The following KLHL32 variants were observed in gnomAD, a reference collection of about 807,000 sequenced individuals.
KLHL32 encodes kelch like family member 32, also known as kelch-like protein 32.
In KLHL32, 35 loss-of-function variants were observed where a neutral mutation model predicts 64.8. The observed-to-expected ratio is 0.54, with a 90% CI of 0.41 to 0.72. The LOEUF is 0.72. Among genes scored for constraint, KLHL32 ranks in the 30% least tolerant of loss-of-function variants. The probability of loss-of-function intolerance (pLI) is 0.00; values close to 1 mark genes in which losing one functional copy is unlikely to be tolerated. For missense variants in KLHL32, 589 were observed against 768.5 expected (o/e 0.77, Z 2.76); for synonymous variants, 259 against 281.0 (o/e 0.92, Z 0.78).
chr6:97,097,623 C>T (rs1487910466), intron 6 of KLHL32, among the ~76,000 whole-genome samples: 1 of 129,898 alleles, frequency 7.7e-6, no homozygotes, highest in African/African-American at 2.8e-5. Context: ...TTCACAGCAG[C>T]TTTCTCTGCC....
At chr6:97,013,849 C>T (rs982581921) in intron 3 of KLHL32, among the ~76,000 whole-genome samples, 10 of 152,248 alleles carry the variant, frequency 6.6e-5, no homozygotes, top group African/African-American at 1.9e-4. Flanking sequence ...TGGGTTATTT[C>T]CCCTGTTGCC....
intron 6 of KLHL32, among the ~76,000 whole-genome samples, chr6:97,088,209 T>G (rs567797059): frequency 1.3e-5 from 2 of 152,346 alleles, no homozygotes; most frequent in East Asian, 3.9e-4. Flanking sequence ...TATATTGTTT[T>G]TTTAAAATTT....
At chr6:97,053,542 A>T (rs916072662) in intron 4 of KLHL32, among the ~76,000 whole-genome samples, 1 of 152,082 alleles carries the variant, frequency 6.6e-6, no homozygotes, top group Non-Finnish European at 1.5e-5. Context: ...GACTAAAAGT[A>T]AAAAAATATT....
intron 3 of KLHL32, among the ~76,000 whole-genome samples, chr6:96,984,175 T>G (rs1776710985): frequency 6.6e-6 from 1 of 152,340 alleles, no homozygotes; most frequent in East Asian, 1.9e-4. Context: ...TCAGTTTCCA[T>G]GTAGTTGAGC....
intron 4 of KLHL32, among the ~76,000 whole-genome samples, chr6:97,042,736 T>C (rs973242580): frequency 6.6e-6 from 1 of 152,198 alleles, no homozygotes; most frequent in Non-Finnish European, 1.5e-5. Flanking sequence ...CTACAGCTTA[T>C]TCCTGCTGTC....
At chr6:96,920,646 G>T (rs1300695721), upstream of KLHL32, among the ~76,000 whole-genome samples, 1 of 151,790 alleles carries the variant, frequency 6.6e-6, no homozygotes, top group Non-Finnish European at 1.5e-5. Context: ...TATACCTATT[G>T]ATCTTCCACT....
intron 6 of KLHL32, among the ~76,000 whole-genome samples, chr6:97,096,756 A>G (rs1310553440): frequency 6.6e-6 from 1 of 152,218 alleles, no homozygotes; most frequent in Non-Finnish European, 1.5e-5. Context: ...AGCTCTTTTG[A>G]GCTCTTAATG....
chr6:97,003,512 A>C (rs1779299524), intron 3 of KLHL32, among the ~76,000 whole-genome samples: 1 of 151,884 alleles, frequency 6.6e-6, no homozygotes. Flanking sequence ...GTCATTTATA[A>C]ATTTTTGGTT....
At chr6:97,046,907 G>A (rs550509436) in intron 4 of KLHL32, among the ~76,000 whole-genome samples, 1 of 152,188 alleles carries the variant, frequency 6.6e-6, no homozygotes, top group Non-Finnish European at 1.5e-5. Flanking sequence ...TTAACATCGA[G>A]TGTATCTGCC....
intron 5 of KLHL32, among the ~76,000 whole-genome samples, chr6:97,072,383 A>C (rs1790886011): frequency 1.3e-5 from 2 of 152,186 alleles, no homozygotes; most frequent in African/African-American, 4.8e-5. Flanking sequence ...AAGTTTTCTT[A>C]ATCCATGAAA....
intron 7 of KLHL32, among the ~76,000 whole-genome samples, chr6:97,126,693 TA>T (rs1339235637): frequency 6.6e-6 from 1 of 152,152 alleles, no homozygotes; most frequent in East Asian, 1.9e-4. Flanking sequence ...TTGTGTCAAA[TA>T]TACACTGGCT....
At chr6:97,056,998 C>T (rs1442521772) in intron 4 of KLHL32, among the ~76,000 whole-genome samples, 1 of 152,076 alleles carries the variant, frequency 6.6e-6, no homozygotes, top group Non-Finnish European at 1.5e-5. Flanking sequence ...TCTATTTATA[C>T]TTAAATTTGA....
the KLHL32 span, among the ~76,000 whole-genome samples, chr6:96,915,513 CCCT>C: frequency 6.6e-6 from 1 of 152,096 alleles, no homozygotes; most frequent in Admixed American, 6.6e-5. Context: ...CTTTGTGATT[CCCT>C]CCTCAACTTA....
intron 1 of KLHL32, among the ~76,000 whole-genome samples, chr6:96,946,740 T>C (rs553497901): frequency 6.6e-5 from 10 of 152,190 alleles, no homozygotes; most frequent in African/African-American, 2.4e-4. Flanking sequence ...AGACCTAAGG[T>C]AGATCCTAAT....
At chr6:96,944,604 A>G (rs887893273) in intron 1 of KLHL32, among the ~76,000 whole-genome samples, 7 of 152,212 alleles carry the variant, frequency 4.6e-5, no homozygotes, top group Admixed American at 4.6e-4. Flanking sequence ...CATGTCATTT[A>G]GTCTTAAAAG....
chr6:97,010,184 C>G (rs549477319), intron 3 of KLHL32: 7 of 147,990 alleles, frequency 4.7e-5, no homozygotes, highest in African/African-American at 1.7e-4. Flanking sequence ...ATAGGACACT[C>G]TATGCCATGC....
Position 97,139,402 on chromosome 6 carries a change from T to A in KLHL32, c.*120T>A. 1.1e-6 allele frequency: 1 copy of A among 898,198 alleles called. No homozygotes were observed. Among genetic ancestry groups the A allele is most frequent in the Non-Finnish European group, 1.7e-6 (1 of 598,260 alleles). The allele number at this position is 898,198 out of a possible 1,614,324, so 55.6% of individuals were successfully genotyped here. A position where few individuals can be genotyped will look rare whatever the true frequency, so the allele number is the denominator to read the frequency against. ...TTTATAGGTCTTATATTCGGATAAA[T>A]TTAAGCAAAAAATGAACAATTTTCT... On this transcript the variant is annotated 3_prime_UTR_variant, in exon 11 of 11. Coordinates refer to ENST00000369261, the MANE Select transcript of KLHL32 (RefSeq NM_052904.4).
At chr6:97,036,175 G>T (rs1027576858) in intron 3 of KLHL32, among the ~76,000 whole-genome samples, 12 of 151,768 alleles carry the variant, frequency 7.9e-5, no homozygotes, top group African/African-American at 2.9e-4. Context: ...TTCAGAATTT[G>T]TTTGCTTCAT....
chr6:96,910,407 A>G, the KLHL32 span, among the ~76,000 whole-genome samples: 1 of 152,210 alleles, frequency 6.6e-6, no homozygotes, highest in African/African-American at 2.4e-5. Context: ...TCCCTTGTTC[A>G]TGAGAGAAAA....
Sources: gnomAD v4.1 joint callset for allele counts (sites outside exome capture counted in the v4.1 genomes callset) on GRCh38, gnomAD v4.1.1 for gene constraint, MANE v1.5 for transcripts, NCBI Gene and HGNC (gene_info 2026-07-23, HGNC 2026-07-21) for gene names.